FRMPD4: variants seen among roughly 807,000 people sequenced by gnomAD.
FRMPD4 encodes FERM and PDZ domain containing 4.
A neutral mutation model predicts 94.1 loss-of-function variants in FRMPD4; 22 were observed. The ratio of observed to expected loss-of-function variants is 0.23; its 90% CI spans 0.17 to 0.33. The LOEUF is 0.33. Among genes scored for constraint, FRMPD4 ranks in the 10% least tolerant of loss-of-function variants. FRMPD4 has a pLI of 1.00. For missense variants in FRMPD4, 1,111 were observed against 1,339.9 expected (o/e 0.83, Z 2.67); for synonymous variants, 631 against 548.6 (o/e 1.15, Z -2.10).
intron 1 of FRMPD4, among the ~76,000 whole-genome samples, chrX:12,264,063 C>G (rs1601754826): frequency 9.0e-6 from 1 of 111,214 alleles, no homozygotes; most frequent in East Asian, 2.8e-4. Context: ...TTGGGGGGGA[C>G]ACATTCAAGC....
intron 1 of FRMPD4, among the ~76,000 whole-genome samples, chrX:12,189,889 G>A (rs916817111): frequency 2.7e-5 from 3 of 111,295 alleles, no homozygotes; most frequent in African/African-American, 6.5e-5. Flanking sequence ...ATGGCAATAA[G>A]AGAAAGAAAA....
At chrX:12,369,195 A>G (rs1219065603) in intron 1 of FRMPD4, among the ~76,000 whole-genome samples, 1 of 109,841 alleles carries the variant, frequency 9.1e-6, no homozygotes, top group Non-Finnish European at 1.9e-5. Context: ...AAATTAAATA[A>G]TCTTAAACTT....
At chrX:12,647,833 A>C (rs1054213456) in intron 4 of FRMPD4, among the ~76,000 whole-genome samples, 1 of 110,833 alleles carries the variant, frequency 9.0e-6, no homozygotes, top group Non-Finnish European at 1.9e-5. Context: ...CTAGTGCAAA[A>C]CTTGCTCCTT....
chrX:12,121,870 C>T (rs892493065), intron 3 of FRMPD4, among the ~76,000 whole-genome samples: 21 of 111,129 alleles, frequency 1.9e-4, no homozygotes, highest in African/African-American at 6.9e-4. Context: ...GGCCTGGTCC[C>T]GCATCATTAG....
At chrX:12,241,608 A>G (rs1411616030) in intron 1 of FRMPD4, among the ~76,000 whole-genome samples, 4 of 111,805 alleles carry the variant, frequency 3.6e-5, no homozygotes, top group African/African-American at 1.3e-4. Flanking sequence ...ATATAGAGAA[A>G]GGAAAATAAG....
intron 11 of FRMPD4, among the ~76,000 whole-genome samples, chrX:12,706,329 G>C (rs1235286921): frequency 2.7e-5 from 3 of 111,971 alleles, no homozygotes; most frequent in Non-Finnish European, 5.6e-5. Context: ...AGAAACTTGA[G>C]AGGGGAAGTG....
At chrX:11,832,570 G>A (rs961566690) in intron 1 of FRMPD4, among the ~76,000 whole-genome samples, 13 of 111,805 alleles carry the variant, frequency 1.2e-4, no homozygotes, top group Non-Finnish European at 1.9e-4. Context: ...GAACCTCGGG[G>A]TTGGAAGGGG....
At chrX:12,040,071 C>T (rs776584464) in intron 3 of FRMPD4, among the ~76,000 whole-genome samples, 3 of 110,110 alleles carry the variant, frequency 2.7e-5, no homozygotes, top group East Asian at 2.8e-4. Context: ...TAGATAGTGT[C>T]GTCTAAGTCT....
chrX:12,147,274 C>A (rs1236470089), intron 1 of FRMPD4, among the ~76,000 whole-genome samples: 1 of 112,277 alleles, frequency 8.9e-6, no homozygotes, highest in Non-Finnish European at 1.9e-5. Flanking sequence ...AAGTAACTTG[C>A]TTTGGCCAGT....
intron 1 of FRMPD4, among the ~76,000 whole-genome samples, chrX:12,446,687 A>T (rs1163448690): frequency 9.0e-6 from 1 of 111,728 alleles, no homozygotes; most frequent in African/African-American, 3.3e-5. Context: ...ACCATGTAAG[A>T]TGTGGCTTTT....
chrX:12,341,418 C>G (rs1257527510), intron 1 of FRMPD4, among the ~76,000 whole-genome samples: 1 of 111,436 alleles, frequency 9.0e-6, no homozygotes, highest in Non-Finnish European at 1.9e-5. Context: ...TTCATGGGCA[C>G]TTTTGCATCT....
intron 1 of FRMPD4, among the ~76,000 whole-genome samples, chrX:11,859,847 C>T (rs186313937): frequency 2.1e-4 from 23 of 112,066 alleles, no homozygotes; most frequent in African/African-American, 7.1e-4. Flanking sequence ...CTGTCAACCC[C>T]TAGCTGCTGC....
intron 1 of FRMPD4, among the ~76,000 whole-genome samples, chrX:12,357,934 C>T (rs1013332500): frequency 3.6e-5 from 4 of 112,104 alleles, no homozygotes; most frequent in African/African-American, 1.3e-4. Flanking sequence ...ACTCTACTTT[C>T]TGCCTCTATA....
intron 1 of FRMPD4, among the ~76,000 whole-genome samples, chrX:12,467,403 C>G (rs1483718655): frequency 1.8e-5 from 2 of 111,941 alleles, no homozygotes; most frequent in Admixed American, 9.5e-5. Context: ...GTTGTGTCTA[C>G]TAAGAAAGTG....
intron 1 of FRMPD4, among the ~76,000 whole-genome samples, chrX:12,478,704 C>G (rs1313343607): frequency 1.8e-5 from 2 of 112,418 alleles, no homozygotes; most frequent in Non-Finnish European, 3.8e-5. Context: ...TTGAATTAGA[C>G]AAACCTAAGT....
At chrX:11,945,717 C>A (rs781626594) in intron 3 of FRMPD4, among the ~76,000 whole-genome samples, 1 of 111,211 alleles carries the variant, frequency 9.0e-6, no homozygotes, top group Non-Finnish European at 1.9e-5. Context: ...AACCAGCTCT[C>A]AAGTGAACTA....
chrX:11,941,357 G>A (rs1213319630), intron 3 of FRMPD4, among the ~76,000 whole-genome samples: 1 of 111,559 alleles, frequency 9.0e-6, no homozygotes, highest in African/African-American at 3.3e-5. Flanking sequence ...GGTTTAAGAG[G>A]TGATTATTAT....
intron 4 of FRMPD4, among the ~76,000 whole-genome samples, chrX:12,628,710 A>C (rs772923870): frequency 8.9e-6 from 1 of 112,454 alleles, no homozygotes; most frequent in Non-Finnish European, 1.9e-5. Flanking sequence ...ACAAGTCTGG[A>C]CCCGTTGCTT....
intron 14 of FRMPD4, among the ~76,000 whole-genome samples, chrX:12,711,660 A>G (rs1421836058): frequency 1.8e-5 from 2 of 111,122 alleles, no homozygotes; most frequent in African/African-American, 6.6e-5. Context: ...AAAAAAAAGT[A>G]TAATCAGAGT....
Sources: gnomAD v4.1 joint callset for allele counts (sites outside exome capture counted in the v4.1 genomes callset) on GRCh38, gnomAD v4.1.1 for gene constraint, MANE v1.5 for transcripts, NCBI Gene and HGNC (gene_info 2026-07-23, HGNC 2026-07-21) for gene names.